Variants in CIBAR1 observed in about 807,000 individuals in gnomAD.
The protein encoded by CIBAR1 is CBY1 interacting BAR domain containing 1.
A neutral mutation model predicts 44.0 loss-of-function variants in CIBAR1; 25 were observed. The ratio of observed to expected loss-of-function variants is 0.57; its 90% CI spans 0.41 to 0.79. CIBAR1 has a LOEUF of 0.79. Ranked by LOEUF, CIBAR1 falls within the 30% of genes least tolerant of loss-of-function variation. CIBAR1 has a pLI of 0.00. For synonymous variants in CIBAR1, 115 were observed against 119.0 expected (o/e 0.97, Z 0.22); for missense variants, 278 against 344.8 (o/e 0.81, Z 1.53).
Position 93,701,067 on chromosome 8 carries a change from C to G in CIBAR1, c.27-157C>G, listed in dbSNP as rs967599548. 5 of 1,473,962 alleles carry G rather than the reference C, an allele frequency of 3.4e-6. No homozygotes were observed. In the African/African-American group the frequency reaches 5.7e-5, roughly 17 times the overall value. 91.3% of individuals were successfully genotyped at this position (1,473,962 alleles called of 1,614,324 possible). ...CAGTCCGGATAGTGAGGTCAGGACC[C>G]CATGGAGAGCAGTCCGCGCCGGGAG... On this transcript the variant is annotated intron_variant, in intron 1 of 8. Transcript: ENST00000518322.
intron 6 of CIBAR1, chr8:93,715,250 A>G (rs1247122927): frequency 6.6e-6 from 1 of 152,200 alleles, no homozygotes; most frequent in Non-Finnish European, 1.5e-5. Context: ...AGTCATCAGT[A>G]TATGATGAAT....
chr8:93,721,651 G>T (rs900771149), intron 7 of CIBAR1, among the ~76,000 whole-genome samples: 1 of 152,098 alleles, frequency 6.6e-6, no homozygotes, highest in Non-Finnish European at 1.5e-5. Flanking sequence ...TATAGTGTTT[G>T]TTCAACAACT....
At position 93,728,351 on chromosome 8, in the gene CIBAR1, T is replaced by C; in HGVS notation, c.*54T>C. 8.4e-7 allele frequency: 1 copy of C among 1,187,320 alleles called. No homozygotes were observed. The highest frequency in any genetic ancestry group is 1.2e-6 in the Non-Finnish European group (1 of 825,954). The allele number at this position is 1,187,320 out of a possible 1,614,324, so 73.5% of individuals were successfully genotyped here. A position where few individuals can be genotyped will look rare whatever the true frequency, so the allele number is the denominator to read the frequency against. Reference sequence around the variant, plus strand: ...GACTTGAAATCCACAATGACTAAATTGTAGAACTTTATACTCACTTTGCTA... The same window carrying C: ...GACTTGAAATCCACAATGACTAAATCGTAGAACTTTATACTCACTTTGCTA... On this transcript the variant is annotated 3_prime_UTR_variant, in exon 9 of 9. Transcript: ENST00000518322.
Position 93,729,568 on chromosome 8 carries a change from A to T in CIBAR1, c.*1271A>T, listed in dbSNP as rs956640430. ...ACAGTAATTCTGGAATAAAACATAC[A>T]TTCTGCCTACCTCAAAGAAATATTC... On this transcript the variant is annotated 3_prime_UTR_variant, in exon 9 of 9. Transcript: ENST00000518322. 2 of 152,196 alleles carry T rather than the reference A, an allele frequency of 1.3e-5. No individual in the cohort carries two copies. Among genetic ancestry groups the T allele is most frequent in the African/African-American group, 4.8e-5 (2 of 41,456 alleles). The allele number at this position is 152,196 out of a possible 1,614,324, so 9.4% of individuals were successfully genotyped here.
chr8:93,704,654 T>A (rs1810506676), intron 3 of CIBAR1, among the ~76,000 whole-genome samples: 1 of 152,200 alleles, frequency 6.6e-6, no homozygotes, highest in African/African-American at 2.4e-5. Flanking sequence ...AAATTACACA[T>A]TTATATGCAT....
At chr8:93,703,392 T>A (rs949418180) in intron 2 of CIBAR1, among the ~76,000 whole-genome samples, 4 of 152,174 alleles carry the variant, frequency 2.6e-5, no homozygotes, top group African/African-American at 4.8e-5. Flanking sequence ...AAAAAAGTAA[T>A]CCTAAGATGA....
chr8:93,723,199 T>C (rs1339562994), intron 7 of CIBAR1, among the ~76,000 whole-genome samples: 1 of 152,202 alleles, frequency 6.6e-6, no homozygotes. Context: ...GGTTTCACCA[T>C]GTTAGCCAGG....
At chr8:93,708,872 C>T (rs544655285) in intron 5 of CIBAR1, among the ~76,000 whole-genome samples, 128 of 152,300 alleles carry the variant, frequency 8.4e-4, no homozygotes, top group African/African-American at 3.0e-3. Flanking sequence ...ATCAAACTCT[C>T]AGTGGTAGAA....
rs1003738831 is a variant in CIBAR1 at position 93,731,393 on chromosome 8, T to C, written c.*3096T>C. 1.3e-5 allele frequency: 2 copies of C among 152,216 alleles called. No individual in the cohort carries two copies. Among genetic ancestry groups the C allele is most frequent in the African/African-American group, 4.8e-5 (2 of 41,458 alleles). 9.4% of individuals were successfully genotyped at this position (152,216 alleles called of 1,614,324 possible). On this transcript the variant is annotated 3_prime_UTR_variant, in exon 9 of 9. Transcript: ENST00000518322. Reference sequence around the variant, plus strand: ...TACAATCTTTGCTCAATTAAAAATATCATTTCTACTTTCTTCATTGTGCTT... The same window carrying C: ...TACAATCTTTGCTCAATTAAAAATACCATTTCTACTTTCTTCATTGTGCTT...
chr8:93,707,962 C>A (rs1810666459), intron 4 of CIBAR1, 49 bp from the exon 5 acceptor site: 1 of 1,330,532 alleles, frequency 7.5e-7, no homozygotes. Context: ...ATTGAAAAAG[C>A]TGTTATACTC....
intron 5 of CIBAR1, among the ~76,000 whole-genome samples, chr8:93,709,545 C>T (rs1810736847): frequency 6.6e-6 from 1 of 151,856 alleles, no homozygotes; most frequent in Non-Finnish European, 1.5e-5. Flanking sequence ...AGTTTTTGTT[C>T]TTAGGGTTTT....
chr8:93,726,435 T>C lies in CIBAR1; in HGVS notation c.699T>C (p.Arg233=), dbSNP rs895973496. Reference sequence around the variant, plus strand: ...TGTATGCACCAGATTATTCATCTCGTTTAGATATTGTAAGAGCAAATTCAA... The same window carrying C: ...TGTATGCACCAGATTATTCATCTCGCTTAGATATTGTAAGAGCAAATTCAA... ...NSLYAPDYSS[R]LDIVRANSKS... Residue 233 remains arginine (R), a synonymous_variant, in exon 8 of 9, where the codon CGT becomes CGC. Transcript: ENST00000518322. 10 of 1,613,432 alleles carry C rather than the reference T, an allele frequency of 6.2e-6. No individual in the cohort carries two copies. In the African/African-American group the frequency reaches 1.2e-4, roughly 19 times the overall value.
intron 8 of CIBAR1, chr8:93,727,339 ATTT>A: frequency 2.0e-6 from 1 of 496,398 alleles, no homozygotes; most frequent in Non-Finnish European, 3.2e-6. Flanking sequence ...ACCCAATTGT[ATTT>A]TTTTTATTCC....
intron 5 of CIBAR1, among the ~76,000 whole-genome samples, chr8:93,709,044 T>TGA (rs1810715551): frequency 6.6e-6 from 1 of 152,138 alleles, no homozygotes; most frequent in East Asian, 1.9e-4. Flanking sequence ...TTCGGGAGGC[T>TGA]GAGGCTGGTG....
chr8:93,727,054 A>T (rs1273743389), intron 8 of CIBAR1: 2 of 529,780 alleles, frequency 3.8e-6, no homozygotes, highest in Non-Finnish European at 6.8e-6. Flanking sequence ...CTACCCCAAC[A>T]ACTATAAATA....
intron 4 of CIBAR1, among the ~76,000 whole-genome samples, chr8:93,707,621 A>G (rs1288748929): frequency 6.6e-6 from 1 of 152,192 alleles, no homozygotes; most frequent in African/African-American, 2.4e-5. Flanking sequence ...CATAGTAGTA[A>G]GTCTTCAAAG....
At chr8:93,710,509 C>G (rs1810780957) in intron 6 of CIBAR1, among the ~76,000 whole-genome samples, 1 of 151,924 alleles carries the variant, frequency 6.6e-6, no homozygotes, top group Non-Finnish European at 1.5e-5. Context: ...TTGCAGTCTT[C>G]ACAGCAACTC....
intron 7 of CIBAR1, among the ~76,000 whole-genome samples, chr8:93,725,154 T>C (rs968380931): frequency 6.6e-6 from 1 of 151,864 alleles, no homozygotes; most frequent in Non-Finnish European, 1.5e-5. Context: ...GGCTGATTGT[T>C]TTTTTGTTTG....
At chr8:93,726,291 G>T in intron 7 of CIBAR1, 103 bp from the exon 8 acceptor site, 6 of 962,658 alleles carry the variant, frequency 6.2e-6, no homozygotes, top group Non-Finnish European at 7.4e-6. Context: ...TCCATTTGGG[G>T]GGAGTTGTTT....
Sources: allele counts gnomAD v4.1 joint callset (sites outside exome capture counted in the v4.1 genomes callset), GRCh38; gene constraint gnomAD v4.1.1; transcripts MANE v1.5; gene names NCBI Gene and HGNC (gene_info 2026-07-23, HGNC 2026-07-21).